The following CSMD1 variants were observed in gnomAD, a reference collection of about 807,000 sequenced individuals.
CSMD1 encodes CUB and sushi domain-containing protein 1.
In CSMD1, 213 loss-of-function variants were observed where a neutral mutation model predicts 417.5. The observed-to-expected ratio is 0.51, with a 90% CI of 0.46 to 0.57. CSMD1 has a LOEUF of 0.57. Among genes scored for constraint, CSMD1 ranks in the 20% least tolerant of loss-of-function variants. The probability of loss-of-function intolerance (pLI) is 0.00; values close to 1 mark genes in which losing one functional copy is unlikely to be tolerated. For missense variants in CSMD1, 6,923 were observed against 4,529.7 expected, an observed-to-expected ratio of 1.53 and a Z score of -15.17; for synonymous variants, 2,862 against 1,736.8, an observed-to-expected ratio of 1.65 and a Z score of -16.11.
At chr8:4,225,859 A>C (rs2128810817) in intron 3 of CSMD1, among the ~76,000 whole-genome samples, 1 of 152,330 alleles carries the variant, frequency 6.6e-6, no homozygotes, top group Non-Finnish European at 1.5e-5. Context: ...TGAAAGTTTT[A>C]ACTGTGCATA....
intron 7 of CSMD1, among the ~76,000 whole-genome samples, chr8:3,625,815 C>T (rs1307489283): frequency 2.0e-5 from 3 of 151,950 alleles, no homozygotes. Context: ...ACATCGCCTG[C>T]CCTAGGTTAT....
At chr8:4,918,928 G>A (rs867853741) in intron 1 of CSMD1, among the ~76,000 whole-genome samples, 1 of 152,094 alleles carries the variant, frequency 6.6e-6, no homozygotes, top group South Asian at 2.1e-4. Context: ...AAATTCTGGG[G>A]GGTGTATGTA....
At chr8:3,938,938 T>C (rs1041066150) in intron 5 of CSMD1, among the ~76,000 whole-genome samples, 4 of 152,172 alleles carry the variant, frequency 2.6e-5, no homozygotes, top group Admixed American at 1.3e-4. Context: ...AGTAACATTT[T>C]ATTAGTTCTT....
At chr8:4,390,415 T>G (rs1358858284) in intron 3 of CSMD1, among the ~76,000 whole-genome samples, 1 of 152,118 alleles carries the variant, frequency 6.6e-6, no homozygotes, top group Non-Finnish European at 1.5e-5. Flanking sequence ...TAAAACATCG[T>G]ATAGAGATAT....
chr8:3,475,257 C>T lies in CSMD1; in HGVS notation c.1449-6433G>A, dbSNP rs570057192. Among the ~76,000 whole-genome samples the T allele has an allele frequency of 8.5e-5, 13 of 152,244 alleles. No homozygotes were observed. The South Asian group carries it at 2.1e-3, about 24-fold the overall frequency. On this transcript the variant is annotated intron_variant, in intron 11 of 69. Coordinates refer to ENST00000635120, the MANE Select transcript of CSMD1 (RefSeq NM_033225.6). ...TCAGTTTCACAGAAAACTGCTTCAA[C>T]CTCCACCTTCTTTCAAATTCTGAGC...
rs145903030 is a variant in CSMD1, at chr8:4,238,971, G to C, written c.415+180982C>G. On this transcript the variant is annotated intron_variant, in intron 3 of 69. Coordinates refer to ENST00000635120, the MANE Select transcript of CSMD1 (RefSeq NM_033225.6). ...TCTTCTGTAGAGAGTAGACAGCCCA[G>C]AGTCCCATTTTCCTGCTTCCCATCA... is the stretch of plus-strand genomic sequence containing the variant. 3.3e-3 allele frequency among the ~76,000 whole-genome samples: 497 copies of C among 152,284 alleles called. 9 individuals carry two copies. Among genetic ancestry groups the C allele is most frequent in the Admixed American group, 0.03 (454 of 15,296 alleles).
intron 1 of CSMD1, among the ~76,000 whole-genome samples, chr8:4,959,936 A>G (rs1044781962): frequency 1.3e-5 from 2 of 152,178 alleles, no homozygotes; most frequent in African/African-American, 2.4e-5. Context: ...CACTTTTAAA[A>G]TAACACTTAC....
intron 5 of CSMD1, among the ~76,000 whole-genome samples, chr8:3,991,060 T>G (rs1187073073): frequency 3.3e-5 from 5 of 152,208 alleles, no homozygotes; most frequent in African/African-American, 1.2e-4. Flanking sequence ...CTGCAGCATC[T>G]TTCCCAGAAA....
intron 26 of CSMD1, among the ~76,000 whole-genome samples, chr8:3,239,564 G>C (rs935683910): frequency 6.6e-6 from 1 of 152,040 alleles, no homozygotes; most frequent in African/African-American, 2.4e-5. Flanking sequence ...GATGTGTAGG[G>C]AAGGGTGGGG....
At chr8:3,411,661 T>C in intron 12 of CSMD1, among the ~76,000 whole-genome samples, 1 of 129,020 alleles carries the variant, frequency 7.8e-6, no homozygotes, top group Non-Finnish European at 1.6e-5. Flanking sequence ...CCATCATATA[T>C]ATATATACGT....
rs182872629 is a variant in CSMD1 at position 3,152,058 on chromosome 8, C to T, written c.5915-545G>A. Among the ~76,000 whole-genome samples the T allele has an allele frequency of 2.8e-3, 426 of 152,304 alleles. 2 individuals carry two copies. The highest frequency in any genetic ancestry group is 5.1e-3 in the Non-Finnish European group (344 of 68,028). ...TACAACCAGAAGGTCATTCCAGCTG[C>T]GTCTGGTTCCAGTACCCAAGTTTCA... On this transcript the variant is annotated intron_variant, in intron 39 of 69. Transcript: ENST00000635120.
chr8:4,477,058 T>C (rs1800839896), intron 2 of CSMD1, among the ~76,000 whole-genome samples: 1 of 152,152 alleles, frequency 6.6e-6, no homozygotes, highest in African/African-American at 2.4e-5. Flanking sequence ...ACCCCAGCCT[T>C]GCAGCTGTGT....
rs536150867 is a variant in CSMD1 at position 4,219,095 on chromosome 8, A to G, written c.416-186996T>C. 2.6e-3 allele frequency among the ~76,000 whole-genome samples: 392 copies of G among 152,218 alleles called. 1 individual carries two copies. Among genetic ancestry groups the G allele is most frequent in the Non-Finnish European group, 4.9e-3 (334 of 68,016 alleles). ...CTCTATCACTTTTCCTGTTCCTCTA[A>G]CACCCAGGGTAAATGATCAGACCCA... is the stretch of plus-strand genomic sequence containing the variant. On this transcript the variant is annotated intron_variant, in intron 3 of 69. Transcript: ENST00000635120.
chr8:4,762,798 T>A (rs1165376822), intron 1 of CSMD1, among the ~76,000 whole-genome samples: 2 of 152,156 alleles, frequency 1.3e-5, no homozygotes, highest in African/African-American at 2.4e-5. Context: ...GCCAAAAAAA[T>A]GTATCTAAAT....
intron 7 of CSMD1, among the ~76,000 whole-genome samples, chr8:3,649,272 T>C (rs532826833): frequency 2.0e-5 from 3 of 152,204 alleles, no homozygotes; most frequent in Non-Finnish European, 4.4e-5. Flanking sequence ...GAACTTAATA[T>C]TACTATGTGA....
chr8:4,049,619 C>G (rs2554548), intron 3 of CSMD1, among the ~76,000 whole-genome samples: 137,566 of 152,148 alleles, frequency 0.9, 62,381 homozygotes, highest in East Asian at 0.99. Flanking sequence ...TATTTCATTG[C>G]TCTGTAAGTT....
chr8:4,152,556 G>A (rs1380986932), intron 3 of CSMD1, among the ~76,000 whole-genome samples: 3 of 151,642 alleles, frequency 2.0e-5, no homozygotes, highest in South Asian at 2.1e-4. Context: ...TAGTCATGGT[G>A]GTGCACACTT....
intron 5 of CSMD1, among the ~76,000 whole-genome samples, chr8:3,912,742 C>A (rs1336733988): frequency 6.6e-6 from 1 of 152,170 alleles, no homozygotes; most frequent in East Asian, 1.9e-4. Context: ...CCTGAAGAGG[C>A]AGACTGCAGT....
At chr8:3,357,159 C>G (rs950041087) in intron 21 of CSMD1, among the ~76,000 whole-genome samples, 2 of 152,008 alleles carry the variant, frequency 1.3e-5, no homozygotes, top group East Asian at 1.9e-4. Flanking sequence ...AGACAGCACC[C>G]GAATGCACCA....
Sources: gnomAD v4.1 joint callset for allele counts (sites outside exome capture counted in the v4.1 genomes callset) on GRCh38, gnomAD v4.1.1 for gene constraint, MANE v1.5 for transcripts, NCBI Gene and HGNC (gene_info 2026-07-23, HGNC 2026-07-21) for gene names.